GABRG2: variants seen among roughly 807,000 people sequenced by gnomAD.
GABRG2 encodes gamma-aminobutyric acid receptor subunit gamma-2.
A neutral mutation model predicts 56.4 loss-of-function variants in GABRG2; 16 were observed. The ratio of observed to expected loss-of-function variants is 0.28; its 90% CI spans 0.19 to 0.43. The LOEUF (loss-of-function observed/expected upper bound fraction) is 0.43, where lower values mean the gene tolerates loss of function less well. Ranked by LOEUF, GABRG2 falls within the 20% of genes least tolerant of loss-of-function variation. The pLI, the probability that GABRG2 is intolerant of heterozygous loss-of-function variation, is 1.00. For missense variants in GABRG2, 327 were observed against 582.7 expected (o/e 0.56, Z 4.52); for synonymous variants, 208 against 205.5 (o/e 1.01, Z -0.10).
chr5:162,079,492 C>T (rs1466582776), intron 1 of GABRG2, among the ~76,000 whole-genome samples: 2 of 152,196 alleles, frequency 1.3e-5, no homozygotes, highest in African/African-American at 2.4e-5. Flanking sequence ...TTGTTAATCA[C>T]GTTTTATTAA....
chr5:162,147,550 G>A (rs113878800), intron 7 of GABRG2, among the ~76,000 whole-genome samples: 13 of 151,978 alleles, frequency 8.6e-5, no homozygotes, highest in African/African-American at 3.1e-4. Context: ...ATTTTTAGTA[G>A]AGACAAGGTT....
intron 7 of GABRG2, among the ~76,000 whole-genome samples, chr5:162,148,783 C>A (rs907305831): frequency 1.3e-5 from 2 of 152,166 alleles, no homozygotes; most frequent in African/African-American, 4.8e-5. Flanking sequence ...AGCTTCTCAC[C>A]ATCCCTGTAT....
At chr5:162,128,974 T>G (rs926959673) in intron 6 of GABRG2, among the ~76,000 whole-genome samples, 1 of 152,046 alleles carries the variant, frequency 6.6e-6, no homozygotes, top group African/African-American at 2.4e-5. Flanking sequence ...ATCCTTGATA[T>G]TCTTTCTAAC....
intron 1 of GABRG2, among the ~76,000 whole-genome samples, chr5:162,079,051 A>G (rs1397900407): frequency 6.6e-6 from 1 of 151,390 alleles, no homozygotes; most frequent in Non-Finnish European, 1.5e-5. Flanking sequence ...AATAAAATGA[A>G]CTCAGTGTCA....
At chr5:162,113,793 G>A (rs773261394) in intron 6 of GABRG2, among the ~76,000 whole-genome samples, 3 of 152,184 alleles carry the variant, frequency 2.0e-5, no homozygotes, top group Non-Finnish European at 4.4e-5. Flanking sequence ...TTGTTAAAGA[G>A]GTAATGCAAT....
chr5:162,133,972 A>G (rs183543775), intron 6 of GABRG2, among the ~76,000 whole-genome samples: 63 of 152,294 alleles, frequency 4.1e-4, no homozygotes, highest in Non-Finnish European at 7.1e-4. Flanking sequence ...CGTGCATTAT[A>G]TAATGTTCAA....
chr5:162,108,438 A>G (rs1435615623), intron 6 of GABRG2, among the ~76,000 whole-genome samples: 8 of 152,178 alleles, frequency 5.3e-5, no homozygotes, highest in Non-Finnish European at 1.2e-4. Context: ...ACTCACATTG[A>G]ATCTCAATCT....
intron 6 of GABRG2, among the ~76,000 whole-genome samples, chr5:162,139,708 G>A (rs982614631): frequency 6.6e-6 from 1 of 151,938 alleles, no homozygotes; most frequent in Admixed American, 6.6e-5. Context: ...TACATGATAA[G>A]GTAAAAAGAA....
At chr5:162,148,955 T>C (rs1046947595) in intron 7 of GABRG2, among the ~76,000 whole-genome samples, 153 bp from the exon 8 acceptor site, 1 of 152,196 alleles carries the variant, frequency 6.6e-6, no homozygotes, top group Non-Finnish European at 1.5e-5. Context: ...CAATAAATAT[T>C]TGTAAATAGA....
chr5:162,124,176 G>A (rs1300531735), intron 6 of GABRG2, among the ~76,000 whole-genome samples: 2 of 151,802 alleles, frequency 1.3e-5, no homozygotes, highest in African/African-American at 2.4e-5. Flanking sequence ...ATAAATAAAG[G>A]CTATATGGCG....
At chr5:162,114,481 G>GAGC (rs1392660293) in intron 6 of GABRG2, among the ~76,000 whole-genome samples, 1 of 152,078 alleles carries the variant, frequency 6.6e-6, no homozygotes, top group Admixed American at 6.6e-5. Flanking sequence ...AGGTTGTGGT[G>GAGC]AGCCGAGATA....
At chr5:162,099,687 C>T (rs1761270694) in intron 4 of GABRG2, 1 of 152,144 alleles carries the variant, frequency 6.6e-6, no homozygotes. Flanking sequence ...GTTCTTATAA[C>T]ATTGTAGTCA....
intron 1 of GABRG2, among the ~76,000 whole-genome samples, chr5:162,083,920 G>A (rs1759855086): frequency 1.3e-5 from 2 of 151,656 alleles, no homozygotes; most frequent in Admixed American, 6.6e-5. Flanking sequence ...TATTTTTTCA[G>A]TAAAATTATT....
At chr5:162,109,220 C>T (rs779260747) in intron 6 of GABRG2, among the ~76,000 whole-genome samples, 2 of 151,212 alleles carry the variant, frequency 1.3e-5, no homozygotes, top group East Asian at 2.0e-4. Context: ...GGAAGGGGAA[C>T]ATCACACACT....
intron 8 of GABRG2, chr5:162,149,696 C>T (rs1765228258): frequency 1.9e-6 from 1 of 516,386 alleles, no homozygotes; most frequent in South Asian, 1.5e-5. Flanking sequence ...TTACTGCAAC[C>T]TCTGCCTCCT....
chr5:162,101,965 A>G (rs1378341240), intron 5 of GABRG2: 1 of 155,432 alleles, frequency 6.4e-6, no homozygotes, highest in African/African-American at 2.4e-5. Flanking sequence ...TTTGTTCAGC[A>G]TCCATGAAAG....
At chr5:162,102,442 A>G (rs1381226167) in intron 5 of GABRG2, 2 of 450,382 alleles carry the variant, frequency 4.4e-6, no homozygotes, top group Non-Finnish European at 8.9e-6. Context: ...CCCAAACACA[A>G]TTTAATATTA....
chr5:162,097,286 T>G (rs1581349650), intron 3 of GABRG2, among the ~76,000 whole-genome samples: 1 of 152,140 alleles, frequency 6.6e-6, no homozygotes, highest in Admixed American at 6.6e-5. Context: ...CAGGGATGGT[T>G]CTAAACATCC....
intron 5 of GABRG2, chr5:162,101,606 A>C: frequency 2.4e-6 from 1 of 417,260 alleles, no homozygotes; most frequent in Non-Finnish European, 4.4e-6. Flanking sequence ...AGGGATTGTA[A>C]AGCCAACCCT....
Sources: gnomAD v4.1 joint callset for allele counts (sites outside exome capture counted in the v4.1 genomes callset) on GRCh38, gnomAD v4.1.1 for gene constraint, MANE v1.5 for transcripts, NCBI Gene and HGNC (gene_info 2026-07-23, HGNC 2026-07-21) for gene names.